Variants in KANK3 observed in about 807,000 individuals in gnomAD.
KANK3 encodes the protein KN motif and ankyrin repeat domain-containing protein 3.
KANK3 carries 61 observed loss-of-function variants against 65.4 expected under a neutral mutation model. That is an observed-to-expected ratio of 0.93 (90% CI 0.76 to 1.15). The LOEUF is 1.15. KANK3 is among the 50% of genes most tolerant of loss of function. KANK3 has a pLI of 0.00. For synonymous variants in KANK3, 586 were observed against 543.3 expected (o/e 1.08, Z -1.09); for missense variants, 1,187 against 1,178.8 (o/e 1.01, Z -0.10).
At chr19:8,329,885 G>T (rs1970495437) in intron 7 of KANK3, among the ~76,000 whole-genome samples, 1 of 152,226 alleles carries the variant, frequency 6.6e-6, no homozygotes, top group East Asian at 1.9e-4. Flanking sequence ...ACTCAGGCAG[G>T]TAGGAAAAGC....
chr19:8,325,055 C>G lies in KANK3; in HGVS notation c.1978G>C (p.Ala660Pro), dbSNP rs1313895717. ...GAGGTGAGTGCAGCCAGCATGAGGG[C>G]CGAGTAGCCGGCTCGGTTCTGGCGG... The part of the protein sequence containing the change: ...VNRQNRAGYS[A>P]LMLAALTSVR... The change falls in exon 8 of 11, where the codon GCC (alanine) becomes CCC (proline). Residue 660 changes from alanine (A) to proline (P), a missense_variant. By Grantham distance (27) the Ala-to-Pro change is conservative. This residue lies in a region of KANK3 where 1,078 missense variants were observed against 1,038.2 expected (regional missense o/e 1.04). Transcript: ENST00000330915. 69 of 1,613,702 alleles carry G rather than the reference C, an allele frequency of 4.3e-5. No individual in the cohort carries two copies. Among genetic ancestry groups the G allele is most frequent in the Non-Finnish European group, 5.8e-5 (68 of 1,180,008 alleles).
chr19:8,333,319 G>A lies in KANK3; in HGVS notation c.1720-89C>T, dbSNP rs1970564355. 16 of 1,099,750 alleles carry A rather than the reference G, an allele frequency of 1.5e-5. No individual in the cohort carries two copies. Among genetic ancestry groups the A allele is most frequent in the Non-Finnish European group, 1.3e-6 (1 of 774,398 alleles). 68.1% of individuals were successfully genotyped at this position (1,099,750 alleles called of 1,614,324 possible). ...CTGGGGAGGGGCGGGACTGGGAAGAGACCCATTTGGCGTTTCCAGGCAAGT... is the reference window on the plus strand; with the variant it reads ...CTGGGGAGGGGCGGGACTGGGAAGAAACCCATTTGGCGTTTCCAGGCAAGT... On this transcript the variant is annotated intron_variant, in intron 6 of 10. Transcript: ENST00000330915. The surrounding 1 kb of genome is among the most constrained non-coding windows in gnomAD (Gnocchi z 5.0).
rs929081825 is a variant in KANK3, at chr19:8,335,290, G to A, written c.537C>T (p.Gly179=). The A allele has an allele frequency of 2.1e-4, 251 of 1,208,734 alleles. No homozygotes were observed. The highest frequency in any genetic ancestry group is 2.5e-4 in the Non-Finnish European group (239 of 973,200). The allele number at this position is 1,208,734 out of a possible 1,614,324, so 74.9% of individuals were successfully genotyped here. A position where few individuals can be genotyped will look rare whatever the true frequency, so the allele number is the denominator to read the frequency against. The change falls in exon 3 of 11, where the codon GGC becomes GGT. Residue 179 remains glycine (G), a synonymous_variant. Coordinates refer to ENST00000330915, the MANE Select transcript of KANK3 (RefSeq NM_198471.3). ...CGCGCACCAGCTGCAGTTGGGCAGG[G>A]CCGGGCGAAGCAGGGGCAAGGTTAG... ...PAPNLAPASP[G]PAQLQLVREQ... is the part of the protein sequence containing the mutation.
chr19:8,324,581 C>G, intron 9 of KANK3, 34 bp from the exon 10 acceptor site: 1 of 1,612,608 alleles, frequency 6.2e-7, no homozygotes, highest in Non-Finnish European at 8.5e-7. Flanking sequence ...GATCCCTGAG[C>G]CAAGCCATGG....
At chr19:8,324,318 A>G in intron 10 of KANK3, 131 bp downstream of exon 10, 2 of 755,004 alleles carry the variant, frequency 2.6e-6, no homozygotes, top group Non-Finnish European at 4.3e-6. Context: ...ACATAGGAGA[A>G]TCCAGACACT....
chr19:8,342,865 T>C (rs953817254), intron 1 of KANK3, among the ~76,000 whole-genome samples: 11 of 151,794 alleles, frequency 7.2e-5, no homozygotes, highest in African/African-American at 2.7e-4. Flanking sequence ...AAAACACCAT[T>C]TCCGTGACAC....
At chr19:8,325,152 T>G (rs1970403359) in intron 7 of KANK3, 56 bp from the exon 8 acceptor site, 1 of 1,533,074 alleles carries the variant, frequency 6.5e-7, no homozygotes, top group East Asian at 2.3e-5. Flanking sequence ...CCCGACTTGA[T>G]CCACTCACCT....
Position 8,335,516 on chromosome 19 carries a change from C to T in KANK3, c.311G>A (p.Gly104Asp), listed in dbSNP as rs747094503. Residue 104 changes from glycine to aspartate, a missense_variant, in exon 3 of 11, where the codon GGC (glycine) becomes GAC (aspartate). By Grantham distance (94) the Gly-to-Asp change is moderately conservative. This residue lies in a region of KANK3 where 1,078 missense variants were observed against 1,038.2 expected (regional missense o/e 1.04). Coordinates refer to ENST00000330915, the MANE Select transcript of KANK3 (RefSeq NM_198471.3). ...SLASDDGGAP[G>D]ILSQGAPSGL... ...CGAGGGCGCGCCCTGGGAGAGTATG[C>T]CCGGTGCTCCACCGTCGTCACTGGC... The T allele has an allele frequency of 4.1e-6, 5 of 1,230,286 alleles. No homozygotes were observed. In the Admixed American group the frequency reaches 1.3e-4, roughly 31 times the overall value. 76.2% of individuals were successfully genotyped at this position (1,230,286 alleles called of 1,614,324 possible).
rs768981042 is a variant in KANK3 at position 8,334,953 on chromosome 19, C to A, written c.874G>T (p.Gly292Trp). The A allele has an allele frequency of 1.1e-4, 163 of 1,492,318 alleles. No individual in the cohort carries two copies. The highest frequency in any genetic ancestry group is 1.4e-4 in the Non-Finnish European group (159 of 1,131,266). The allele number at this position is 1,492,318 out of a possible 1,614,324, so 92.4% of individuals were successfully genotyped here. The change falls in exon 3 of 11, where the codon GGG becomes TGG. Residue 292 changes from glycine (G) to tryptophan (W), a missense_variant. Gly to Trp is a radical substitution (Grantham distance 184). Coordinates refer to ENST00000330915, the MANE Select transcript of KANK3 (RefSeq NM_198471.3). The part of the protein sequence containing the change: ...GALQVLDGEV[G>W]SLDGTPQTRE... ...GTCTGGGGCGTCCCATCGAGACTCCCGACCTCCCCGTCGAGGACCTGGAGC... is the reference window on the plus strand; with the variant it reads ...GTCTGGGGCGTCCCATCGAGACTCCAGACCTCCCCGTCGAGGACCTGGAGC...
chr19:8,337,083 A>G (rs1970653024), intron 2 of KANK3, among the ~76,000 whole-genome samples: 1 of 151,218 alleles, frequency 6.6e-6, no homozygotes, highest in South Asian at 2.1e-4. Flanking sequence ...CCCAGACTGG[A>G]GTGCTGTAGT....
intron 7 of KANK3, among the ~76,000 whole-genome samples, chr19:8,326,800 GAA>G (rs372665622): frequency 1.7e-5 from 2 of 119,376 alleles, no homozygotes; most frequent in African/African-American, 3.3e-5. Flanking sequence ...CCATCTCTCA[GAA>G]AAAAAAAAAA....
In KANK3 at chr19:8,325,007, T is replaced by C. The variant is rs756120206; in HGVS notation, c.2026A>G (p.Met676Val). ...LTSVRQEEED[M>V]AVVQRLFCMG... ...CAGAAGAGTCTCTGGACCACAGCCA[T>C]GTCCTCCTCTTCCTGCCTCACAGAG... The change falls in exon 8 of 11, where the codon ATG (methionine) becomes GTG (valine). Residue 676 changes from methionine to valine, a missense_variant. Physicochemically the swap from Met to Val is conservative, Grantham distance 21. Transcript: ENST00000330915. 4 of 1,607,772 alleles carry C rather than the reference T, an allele frequency of 2.5e-6. 1 individual carries two copies. In the South Asian group the frequency reaches 3.3e-5, roughly 13 times the overall value.
chr19:8,327,075 G>A (rs570395098), intron 7 of KANK3, among the ~76,000 whole-genome samples: 7 of 152,292 alleles, frequency 4.6e-5, no homozygotes, highest in Non-Finnish European at 8.8e-5. Context: ...AGGCTCTGAG[G>A]ATTGAGGTAG....
Position 8,340,291 on chromosome 19 carries a change from T to TATATATATATACAC in KANK3, c.-28-2436_-28-2435insGTGTATATATATAT, listed in dbSNP as rs1472181365. ...AAAAAAAACCATATATATATATATA[T>TATATATATATACAC]ACACACACACACACACACACACACA... On this transcript the variant is annotated intron_variant, in intron 1 of 10. Transcript: ENST00000330915. Among the ~76,000 whole-genome samples, 72 of 92,848 alleles carry TATATATATATACAC rather than the reference T, an allele frequency of 7.8e-4. 1 individual carries two copies. Among genetic ancestry groups the TATATATATATACAC allele is most frequent in the Non-Finnish European group, 1.4e-3 (65 of 47,434 alleles). 60.9% of individuals were successfully genotyped at this position (92,848 alleles called of 152,430 possible).
intron 1 of KANK3, 112 bp from the exon 2 acceptor site, chr19:8,337,968 C>CGAGA: frequency 6.6e-7 from 1 of 1,516,694 alleles, no homozygotes; most frequent in Non-Finnish European, 8.8e-7. Context: ...ACCCAGCCAC[C>CGAGA]TCCCTCCACA....
intron 1 of KANK3, among the ~76,000 whole-genome samples, chr19:8,338,258 G>C (rs188137787): frequency 9.2e-5 from 14 of 151,920 alleles, no homozygotes; most frequent in African/African-American, 3.1e-4. Flanking sequence ...CTGACCTCAA[G>C]TTATCCGCCT....
rs1026199172 is a variant in KANK3, at chr19:8,335,423, C to T, written c.404G>A (p.Arg135Gln). 3 of 1,212,390 alleles carry T rather than the reference C, an allele frequency of 2.5e-6. No homozygotes were observed. The highest frequency in any genetic ancestry group is 3.4e-5 in the East Asian group (1 of 29,286). The allele number at this position is 1,212,390 out of a possible 1,614,324, so 75.1% of individuals were successfully genotyped here. Residue 135 changes from arginine (R) to glutamine (Q), a missense_variant, in exon 3 of 11, where the codon CGG becomes CAG. By Grantham distance (43) the Arg-to-Gln change is conservative. Around this residue, in one of 3 missense-constraint regions of KANK3, gnomAD observed 1,078 missense variants for 1,038.2 expected, o/e 1.04. Transcript: ENST00000330915. ...CAGCTCCAGCCGCCGGCTGGTCTCC[C>T]GGAGCGTGTGCTCGACGCGCGGGTT... ...VRNPRVEHTL[R>Q]ETSRRLELAQ...
chr19:8,322,972 G>A (rs558084429), intron 10 of KANK3, 50 bp from the exon 11 acceptor site: 1 of 1,072,584 alleles, frequency 9.3e-7, no homozygotes, highest in Admixed American at 2.8e-5. Context: ...CTTGAGGCAG[G>A]AAACGTGGGA....
intron 1 of KANK3, among the ~76,000 whole-genome samples, chr19:8,342,911 G>T (rs947767433): frequency 1.3e-5 from 2 of 152,070 alleles, no homozygotes; most frequent in African/African-American, 4.8e-5. Context: ...GGGCTGGCTG[G>T]GGTCCCCAGG....
Sources: allele counts gnomAD v4.1 joint callset (sites outside exome capture counted in the v4.1 genomes callset), GRCh38; gene constraint gnomAD v4.1.1; regional missense constraint gnomAD v4.1.1; non-coding constraint Gnocchi (gnomAD v3.1); transcripts MANE v1.5; gene names NCBI Gene and HGNC (gene_info 2026-07-23, HGNC 2026-07-21).